ALCAM: variants seen among roughly 807,000 people sequenced by gnomAD.
The protein encoded by ALCAM is CD166 antigen.
In ALCAM, 30 loss-of-function variants were observed where a neutral mutation model predicts 70.9. That is an observed-to-expected ratio of 0.42 (90% CI 0.32 to 0.57). ALCAM has a LOEUF of 0.57. Among genes scored for constraint, ALCAM ranks in the 20% least tolerant of loss-of-function variants. ALCAM has a pLI of 0.11. For synonymous variants in ALCAM, 249 were observed against 242.5 expected (o/e 1.03, Z -0.25); for missense variants, 591 against 695.1 (o/e 0.85, Z 1.68).
At chr3:105,448,404 T>TA (rs35702821) in intron 1 of ALCAM, among the ~76,000 whole-genome samples, 46,902 of 149,068 alleles carry the variant, frequency 0.31, 7,398 homozygotes, top group East Asian at 0.5. Context: ...TAGTCTCCAT[T>TA]AAAAAAAAAA....
chr3:105,495,694 T>C (rs1284677535), intron 1 of ALCAM, among the ~76,000 whole-genome samples: 2 of 152,138 alleles, frequency 1.3e-5, no homozygotes, highest in Non-Finnish European at 2.9e-5. Flanking sequence ...TCCGTTTATG[T>C]CTAAAATTAG....
chr3:105,520,046 C>CTT, intron 1 of ALCAM, 21 bp from the exon 2 acceptor site: 13 of 1,352,094 alleles, frequency 9.6e-6, no homozygotes, highest in South Asian at 2.8e-5. Flanking sequence ...TCTCTTCTTC[C>CTT]TTTTTTTTTT....
chr3:105,428,457 TC>T (rs1936847666), intron 1 of ALCAM, among the ~76,000 whole-genome samples: 1 of 151,864 alleles, frequency 6.6e-6, no homozygotes, highest in Admixed American at 6.6e-5. Context: ...GATTGAGTAC[TC>T]CGTATTTTTT....
At chr3:105,380,827 C>T (rs995803508) in intron 1 of ALCAM, among the ~76,000 whole-genome samples, 9 of 152,024 alleles carry the variant, frequency 5.9e-5, no homozygotes, top group Admixed American at 1.3e-4. Context: ...TTATCTGTCA[C>T]GACGGCCATA....
At chr3:105,417,883 C>A (rs917125160) in intron 1 of ALCAM, among the ~76,000 whole-genome samples, 1 of 151,670 alleles carries the variant, frequency 6.6e-6, no homozygotes, top group African/African-American at 2.4e-5. Context: ...TGATGACAAA[C>A]CATTTTAGTG....
chr3:105,524,823 A>G (rs2152624479), intron 3 of ALCAM: 2 of 1,095,488 alleles, frequency 1.8e-6, no homozygotes, highest in Non-Finnish European at 2.2e-6. Flanking sequence ...ACATGTACAA[A>G]TAAGTGTTGT....
At chr3:105,433,483 AT>A (rs1307292897) in intron 1 of ALCAM, among the ~76,000 whole-genome samples, 1 of 152,204 alleles carries the variant, frequency 6.6e-6, no homozygotes, top group Non-Finnish European at 1.5e-5. Context: ...TAAGAAATAT[AT>A]GCACACTCTC....
chr3:105,434,579 G>A (rs1937009737), intron 1 of ALCAM, among the ~76,000 whole-genome samples: 1 of 151,648 alleles, frequency 6.6e-6, no homozygotes. Context: ...TTCTACATTG[G>A]CCTTTTTATC....
intron 1 of ALCAM, among the ~76,000 whole-genome samples, chr3:105,458,433 T>C (rs1339368032): frequency 1.3e-5 from 2 of 152,114 alleles, no homozygotes; most frequent in East Asian, 3.9e-4. Context: ...TGCAGAGAAA[T>C]GTAAAATGGC....
chr3:105,493,506 C>A (rs183085795), intron 1 of ALCAM, among the ~76,000 whole-genome samples: 1 of 151,980 alleles, frequency 6.6e-6, no homozygotes, highest in Admixed American at 6.6e-5. Context: ...ATTATCCAGT[C>A]GGGCTCAACC....
chr3:105,380,898 C>T (rs1007872420), intron 1 of ALCAM, among the ~76,000 whole-genome samples: 2 of 151,938 alleles, frequency 1.3e-5, no homozygotes, highest in Admixed American at 1.3e-4. Context: ...TAACAAATCA[C>T]AATTTAAAAT....
At chr3:105,385,326 G>A (rs1434834010) in intron 1 of ALCAM, among the ~76,000 whole-genome samples, 1 of 151,520 alleles carries the variant, frequency 6.6e-6, no homozygotes, top group Non-Finnish European at 1.5e-5. Context: ...TGTAAAAGCT[G>A]GAGGACAAGT....
intron 8 of ALCAM, chr3:105,544,811 C>A (rs1422379410): frequency 1.8e-5 from 3 of 169,232 alleles, no homozygotes; most frequent in South Asian, 1.4e-4. Flanking sequence ...AATTTATCAC[C>A]TGCTGTCTAA....
chr3:105,450,832 T>A (rs180894381), intron 1 of ALCAM, among the ~76,000 whole-genome samples: 275 of 152,192 alleles, frequency 1.8e-3, no homozygotes, highest in Middle Eastern at 3.4e-3. Flanking sequence ...AGTATGTAAA[T>A]TTAGAAGGGT....
chr3:105,511,105 A>G (rs1427041131), intron 1 of ALCAM, among the ~76,000 whole-genome samples: 1 of 152,140 alleles, frequency 6.6e-6, no homozygotes, highest in East Asian at 1.9e-4. Flanking sequence ...AATTAAGAAG[A>G]ATGACTGTCA....
At chr3:105,382,995 A>G (rs1189626691) in intron 1 of ALCAM, among the ~76,000 whole-genome samples, 1 of 151,736 alleles carries the variant, frequency 6.6e-6, no homozygotes, top group Non-Finnish European at 1.5e-5. Flanking sequence ...TCCATGTGCT[A>G]GCCATATTTC....
intron 1 of ALCAM, among the ~76,000 whole-genome samples, chr3:105,381,488 A>C (rs1160637148): frequency 6.6e-6 from 1 of 151,998 alleles, no homozygotes; most frequent in African/African-American, 2.4e-5. Flanking sequence ...TTTATCCATT[A>C]ATTGTTAGTA....
At chr3:105,512,362 T>A (rs1223251824) in intron 1 of ALCAM, among the ~76,000 whole-genome samples, 2 of 151,794 alleles carry the variant, frequency 1.3e-5, no homozygotes, top group African/African-American at 4.8e-5. Flanking sequence ...TGTTGAAATG[T>A]TTTTACGAAT....
intron 1 of ALCAM, among the ~76,000 whole-genome samples, chr3:105,462,468 A>G (rs1201890316): frequency 2.6e-5 from 4 of 151,546 alleles, no homozygotes; most frequent in African/African-American, 9.7e-5. Flanking sequence ...TTGGATTTCT[A>G]GTTTCAGCAA....
Sources: allele counts gnomAD v4.1 joint callset (sites outside exome capture counted in the v4.1 genomes callset), GRCh38; gene constraint gnomAD v4.1.1; transcripts MANE v1.5; gene names NCBI Gene and HGNC (gene_info 2026-07-23, HGNC 2026-07-21).